The following TAF4 variants were observed in gnomAD, a reference collection of about 807,000 sequenced individuals.
TAF4 encodes transcription initiation factor TFIID subunit 4.
TAF4 carries 9 observed loss-of-function variants against 90.3 expected under a neutral mutation model. That is an observed-to-expected ratio of 0.10 (90% CI 0.06 to 0.17). The LOEUF (loss-of-function observed/expected upper bound fraction) is 0.17. Among genes scored for constraint, TAF4 ranks in the 10% least tolerant of loss-of-function variants. The pLI is 1.00. For synonymous variants in TAF4, 818 were observed against 638.9 expected (o/e 1.28, Z -4.23); for missense variants, 1,351 against 1,370.7 (o/e 0.99, Z 0.23).
intron 9 of TAF4, among the ~76,000 whole-genome samples, chr20:62,002,733 G>A (rs1002036283): frequency 6.6e-6 from 1 of 152,160 alleles, no homozygotes; most frequent in Non-Finnish European, 1.5e-5. Context: ...GGGCTCAAGC[G>A]ATTCTCCCAC....
chr20:62,007,936 G>T, intron 5 of TAF4: 1 of 243,052 alleles, frequency 4.1e-6, no homozygotes, highest in Non-Finnish European at 8.0e-6. Flanking sequence ...TGCTTACCAG[G>T]CACCTACTCG....
intron 1 of TAF4, among the ~76,000 whole-genome samples, chr20:62,052,216 C>T (rs963806329): frequency 1.3e-5 from 2 of 152,074 alleles, no homozygotes; most frequent in African/African-American, 2.4e-5. Context: ...ATGTCAAAGG[C>T]TCAACCTCCC....
At chr20:62,044,442 AAAAC>A (rs2055981544) in intron 1 of TAF4, among the ~76,000 whole-genome samples, 1 of 152,256 alleles carries the variant, frequency 6.6e-6, no homozygotes, top group East Asian at 1.9e-4. Flanking sequence ...AGTAAAATTG[AAAAC>A]AAACCAAAAC....
Position 62,022,871 on chromosome 20 carries a change from C to CG in TAF4, c.1361-8165dup, listed in dbSNP as rs370577500. ...GGTCCAGCACTTGCAGCCCCCCCCC[C>CG]GCACATTGCAGATACTATTGTAAAA... On this transcript the variant is annotated intron_variant, in intron 1 of 14. Transcript: ENST00000252996. 3.3e-5 allele frequency among the ~76,000 whole-genome samples: 5 copies of CG among 151,904 alleles called. No homozygotes were observed. The South Asian group carries it at 1.0e-3, about 32-fold the overall frequency.
chr20:62,053,672 C>A (rs2145516269), intron 1 of TAF4, among the ~76,000 whole-genome samples: 1 of 152,374 alleles, frequency 6.6e-6, no homozygotes, highest in South Asian at 2.1e-4. Flanking sequence ...GTTTGTTGAC[C>A]AACCAACCAA....
chr20:62,046,786 G>A (rs28382013), intron 1 of TAF4, among the ~76,000 whole-genome samples: 108 of 152,300 alleles, frequency 7.1e-4, no homozygotes, highest in African/African-American at 2.5e-3. Context: ...GTTATCAGCC[G>A]CAGCATCCCA....
chr20:61,975,493 T>C lies in TAF4; in HGVS notation c.*675A>G, dbSNP rs1210369046. 1 of 152,188 alleles carries C rather than the reference T, an allele frequency of 6.6e-6. No homozygotes were observed. Among genetic ancestry groups the C allele is most frequent in the Non-Finnish European group, 1.5e-5 (1 of 68,014 alleles). The allele number at this position is 152,188 out of a possible 1,614,324, so 9.4% of individuals were successfully genotyped here. A position where few individuals can be genotyped will look rare whatever the true frequency, so the allele number is the denominator to read the frequency against. On this transcript the variant is annotated 3_prime_UTR_variant, in exon 15 of 15. Coordinates refer to ENST00000252996, the MANE Select transcript of TAF4 (RefSeq NM_003185.4). Reference sequence around the variant, plus strand: ...TTACAGCTTTACAAACTATAGCAAATAAAATGCATTTGTACAGATGCTGAC... The same window carrying C: ...TTACAGCTTTACAAACTATAGCAAACAAAATGCATTTGTACAGATGCTGAC...
Position 62,003,792 on chromosome 20 carries a change from C to T in TAF4, c.2310G>A (p.Gln770=). ...LTQTPMVALR[Q]PHNRIMLTTP... ...TGGTGAGCATGATCCGGTTGTGAGG[C>T]TGCCGCAGGGCGACCATGGGTGTCT... Residue 770 remains glutamine (Q), a synonymous_variant, in exon 8 of 15, where the codon CAG becomes CAA. Coordinates refer to ENST00000252996, the MANE Select transcript of TAF4 (RefSeq NM_003185.4). 1 of 1,609,414 alleles carries T rather than the reference C, an allele frequency of 6.2e-7. No homozygotes were observed. Among genetic ancestry groups the T allele is most frequent in the African/African-American group, 1.3e-5 (1 of 74,938 alleles).
intron 14 of TAF4, among the ~76,000 whole-genome samples, chr20:61,989,181 C>A (rs1266689438): frequency 1.3e-5 from 2 of 152,088 alleles, no homozygotes; most frequent in Non-Finnish European, 2.9e-5. Context: ...ACCACACACT[C>A]CCCTACATGC....
chr20:62,062,927 TATAA>T (rs973575059), intron 1 of TAF4, among the ~76,000 whole-genome samples: 18 of 152,334 alleles, frequency 1.2e-4, no homozygotes, highest in Middle Eastern at 3.4e-3. Flanking sequence ...AAAACATTTT[TATAA>T]ATAAAGCATT....
At chr20:62,041,443 C>T in intron 1 of TAF4, among the ~76,000 whole-genome samples, 1 of 152,060 alleles carries the variant, frequency 6.6e-6, no homozygotes, top group East Asian at 1.9e-4. Context: ...TCCTGGCTAA[C>T]AGGGTGAAAC....
chr20:62,005,031 A>C (rs1173892916), intron 7 of TAF4: 1 of 152,328 alleles, frequency 6.6e-6, no homozygotes, highest in Admixed American at 6.5e-5. Context: ...CCTGGCAGGT[A>C]AACTCTATGC....
At chr20:62,026,842 A>G (rs949578510) in intron 1 of TAF4, among the ~76,000 whole-genome samples, 2 of 152,200 alleles carry the variant, frequency 1.3e-5, no homozygotes, top group African/African-American at 4.8e-5. Context: ...CTTATTCCTT[A>G]GGTGGTCTGC....
At chr20:62,018,208 G>A (rs2055823562) in intron 1 of TAF4, among the ~76,000 whole-genome samples, 1 of 152,222 alleles carries the variant, frequency 6.6e-6, no homozygotes, top group Admixed American at 6.5e-5. Context: ...CGCTGTCACT[G>A]GGGACTTTCT....
At chr20:61,977,248 C>A (rs1462936790) in intron 14 of TAF4, among the ~76,000 whole-genome samples, 1 of 150,360 alleles carries the variant, frequency 6.7e-6, no homozygotes, top group Non-Finnish European at 1.5e-5. Context: ...GCGCACCACA[C>A]ACACACGACA....
At chr20:62,042,932 G>A (rs1246637965) in intron 1 of TAF4, among the ~76,000 whole-genome samples, 1 of 152,188 alleles carries the variant, frequency 6.6e-6, no homozygotes, top group Admixed American at 6.5e-5. Context: ...GGAGGGCAGT[G>A]ATGTGGATGA....
At chr20:61,990,143 C>T (rs779991244) in intron 14 of TAF4, among the ~76,000 whole-genome samples, 1 of 152,150 alleles carries the variant, frequency 6.6e-6, no homozygotes, top group Non-Finnish European at 1.5e-5. Context: ...GTATCAGCCG[C>T]ACGAGCATTT....
intron 14 of TAF4, 125 bp downstream of exon 14, chr20:61,997,425 G>A: frequency 8.2e-7 from 1 of 1,212,904 alleles, no homozygotes. Flanking sequence ...CTCCAGAAAA[G>A]GTGAGACAAA....
intron 1 of TAF4, among the ~76,000 whole-genome samples, chr20:62,029,460 G>C (rs988971015): frequency 2.0e-5 from 3 of 149,596 alleles, no homozygotes. Flanking sequence ...GCAGCACCAG[G>C]GCCCAGTGCC....
Sources: allele counts gnomAD v4.1 joint callset (sites outside exome capture counted in the v4.1 genomes callset), GRCh38; gene constraint gnomAD v4.1.1; transcripts MANE v1.5; gene names NCBI Gene and HGNC (gene_info 2026-07-23, HGNC 2026-07-21).